Variants in PALD1 observed in about 807,000 individuals in gnomAD.
The protein encoded by PALD1 is phosphatase domain containing paladin 1.
In PALD1, 57 loss-of-function variants were observed where a neutral mutation model predicts 96.0. That is an observed-to-expected ratio of 0.59 (90% CI 0.48 to 0.74). The LOEUF (loss-of-function observed/expected upper bound fraction) is 0.74, where lower values mean the gene tolerates loss of function less well. PALD1 is among the 30% of genes least tolerant of loss of function. PALD1 has a pLI of 0.00. For missense variants in PALD1, 1,063 were observed against 1,143.7 expected (o/e 0.93, Z 1.02); for synonymous variants, 464 against 473.6 (o/e 0.98, Z 0.26).
Position 70,486,792 on chromosome 10 carries a change from C to T in PALD1, c.-30+7733C>T, listed in dbSNP as rs1228491996. 3.3e-5 allele frequency among the ~76,000 whole-genome samples: 5 copies of T among 152,112 alleles called. No homozygotes were observed. The East Asian group carries it at 9.7e-4, about 29-fold the overall frequency. ...CAAAACAAAACAAAACAAAAAACCT[C>T]ATCAGCCTGATCTGAGTGGTGGTTT... On this transcript the variant is annotated intron_variant, in intron 1 of 19. Transcript: ENST00000263563.
At chr10:70,554,731 A>G (rs1254480001) in intron 18 of PALD1, among the ~76,000 whole-genome samples, 2 of 151,794 alleles carry the variant, frequency 1.3e-5, no homozygotes, top group Non-Finnish European at 2.9e-5. Context: ...GTTAATTCTT[A>G]GTGTTGGGTT....
intron 1 of PALD1, chr10:70,485,315 G>A (rs1464232529): frequency 2.6e-5 from 4 of 153,130 alleles, no homozygotes; most frequent in African/African-American, 9.7e-5. Context: ...GGTGGAGAAG[G>A]GGCTTCTTTC....
intron 1 of PALD1, among the ~76,000 whole-genome samples, chr10:70,508,978 G>A (rs1302617250): frequency 6.6e-6 from 1 of 152,108 alleles, no homozygotes. Flanking sequence ...GAACCCTGCA[G>A]CACGGCAGCT....
At chr10:70,463,299 TAC>T in the PALD1 span, among the ~76,000 whole-genome samples, 1 of 151,918 alleles carries the variant, frequency 6.6e-6, no homozygotes, top group Non-Finnish European at 1.5e-5. Flanking sequence ...AGCTACCAGC[TAC>T]GGGGAGGCTG....
chr10:70,529,816 C>G, intron 3 of PALD1, 73 bp from the exon 4 acceptor site: 3 of 1,394,758 alleles, frequency 2.2e-6, no homozygotes, highest in African/African-American at 1.4e-5. Context: ...CCCTGGAGCC[C>G]AGGACAGAGC....
chr10:70,459,200 C>T, the PALD1 span, among the ~76,000 whole-genome samples: 1 of 152,126 alleles, frequency 6.6e-6, no homozygotes, highest in Non-Finnish European at 1.5e-5. Flanking sequence ...GCACAGTTAC[C>T]TCAGTTAGCC....
At position 70,539,721 on chromosome 10, in the gene PALD1, C is replaced by G; in HGVS notation, c.1867C>G (p.His623Asp). Residue 623 changes from histidine to aspartate, a missense_variant, in exon 15 of 20, where the codon CAC becomes GAC. His to Asp is a moderately conservative substitution (Grantham distance 81). Transcript: ENST00000263563. The surrounding 1 kb of genome is among the most constrained non-coding windows in gnomAD (Gnocchi z 4.5). ...HRRACPGLTYHRIPMPDFCAP... is the reference protein window; with the variant it reads ...HRRACPGLTYDRIPMPDFCAP... ...CAGGGCCTGTCCTGGCCTCACCTAC[C>G]ACCGCATCCCCATGCCGGACTTCTG... 6.2e-7 allele frequency: 1 copy of G among 1,613,106 alleles called. No homozygotes were observed. Among genetic ancestry groups the G allele is most frequent in the Non-Finnish European group, 8.5e-7 (1 of 1,179,648 alleles).
Position 70,552,324 on chromosome 10 carries a change from C to T in PALD1, c.2262+4878C>T, listed in dbSNP as rs375298376. 6.1e-4 allele frequency among the ~76,000 whole-genome samples: 93 copies of T among 152,310 alleles called. 1 individual carries two copies. The South Asian group carries it at 0.019, about 31-fold the overall frequency. On this transcript the variant is annotated intron_variant, in intron 18 of 19. Transcript: ENST00000263563. ...TGTGTGTAGCACGCGCGGCCCTTCA[C>T]ATTCTTTCCTGTCGTCTTCTGGGAT...
intron 1 of PALD1, among the ~76,000 whole-genome samples, chr10:70,515,641 C>T (rs1469083567): frequency 4.6e-5 from 7 of 152,150 alleles, no homozygotes; most frequent in Admixed American, 1.3e-4. Context: ...TTGGAGCCCT[C>T]GCTGTGCTGT....
the PALD1 span, among the ~76,000 whole-genome samples, chr10:70,472,194 A>G: frequency 6.6e-6 from 1 of 152,166 alleles, no homozygotes; most frequent in Non-Finnish European, 1.5e-5. Context: ...GCTCTGTCAG[A>G]GTGAGACATC....
rs769447017 is a variant in PALD1, at chr10:70,532,686, G to C, written c.699G>C (p.Trp233Cys). 2 of 1,614,202 alleles carry C rather than the reference G, an allele frequency of 1.2e-6. No individual in the cohort carries two copies. Among genetic ancestry groups the C allele is most frequent in the South Asian group, 1.1e-5 (1 of 91,076 alleles). Residue 233 changes from tryptophan (W) to cysteine (C), a missense_variant, in exon 6 of 20, where the codon TGG becomes TGC. Coordinates refer to ENST00000263563, the MANE Select transcript of PALD1 (RefSeq NM_014431.3). Reference protein sequence around the residue: ...YHVYHNTEDLWGEPHAVAIHG... With the variant: ...YHVYHNTEDLCGEPHAVAIHG... ...TGTACCATAACACCGAGGACCTGTG[G>C]GGGGAGCCCCATGCTGTGGCCATCC...
chr10:70,468,750 G>GTGTT, the PALD1 span, among the ~76,000 whole-genome samples: 13 of 137,408 alleles, frequency 9.5e-5, no homozygotes, highest in Admixed American at 2.9e-4. Flanking sequence ...GTGTGTGTGT[G>GTGTT]TTTTGAGATG....
At chr10:70,514,614 G>T (rs2132325493) in intron 1 of PALD1, among the ~76,000 whole-genome samples, 1 of 152,216 alleles carries the variant, frequency 6.6e-6, no homozygotes, top group African/African-American at 2.4e-5. Context: ...CACCTGGGAG[G>T]TTCATGTCTT....
chr10:70,492,303 G>T (rs1348174935), intron 1 of PALD1, among the ~76,000 whole-genome samples: 1 of 152,026 alleles, frequency 6.6e-6, no homozygotes, highest in South Asian at 2.1e-4. Flanking sequence ...GGGTTTATCT[G>T]CGTATAACTC....
At chr10:70,554,219 G>A (rs1422231260) in intron 18 of PALD1, among the ~76,000 whole-genome samples, 5 of 152,052 alleles carry the variant, frequency 3.3e-5, no homozygotes, top group East Asian at 1.9e-4. Flanking sequence ...ACCTGAGGTC[G>A]GGAGTTCAAG....
chr10:70,561,616 A>G (rs910510681), intron 18 of PALD1, among the ~76,000 whole-genome samples: 2 of 152,140 alleles, frequency 1.3e-5, no homozygotes, highest in East Asian at 3.9e-4. Flanking sequence ...TGTGGCAGCC[A>G]TGGGCCATTC....
At chr10:70,495,313 C>T (rs1279219646) in intron 1 of PALD1, among the ~76,000 whole-genome samples, 1 of 152,202 alleles carries the variant, frequency 6.6e-6, no homozygotes, top group Non-Finnish European at 1.5e-5. Context: ...GTATCATAAT[C>T]GTGTTCCCTG....
chr10:70,549,927 C>A (rs1847447019), intron 18 of PALD1, among the ~76,000 whole-genome samples: 1 of 152,210 alleles, frequency 6.6e-6, no homozygotes, highest in Non-Finnish European at 1.5e-5. Context: ...TCACCCACCC[C>A]CTTTCCAAAG....
rs558660764 is a variant in PALD1 at position 70,492,556 on chromosome 10, A to G, written c.-30+13497A>G. 2.1e-5 allele frequency among the ~76,000 whole-genome samples: 3 copies of G among 141,192 alleles called. 1 individual carries two copies. The highest frequency in any genetic ancestry group is 7.8e-5 in the African/African-American group (3 of 38,492). 92.6% of individuals were successfully genotyped at this position (141,192 alleles called of 152,430 possible). On this transcript the variant is annotated intron_variant, in intron 1 of 19. Coordinates refer to ENST00000263563, the MANE Select transcript of PALD1 (RefSeq NM_014431.3). ...ACTGCAGTCTCTGCCTCCTGGGTTC[A>G]GACAATTCTCCTGCCTCAGCTTCCT...
Sources: gnomAD v4.1 joint callset for allele counts (sites outside exome capture counted in the v4.1 genomes callset) on GRCh38, gnomAD v4.1.1 for gene constraint, Gnocchi (gnomAD v3.1) non-coding constraint, MANE v1.5 for transcripts, NCBI Gene and HGNC (gene_info 2026-07-23, HGNC 2026-07-21) for gene names.